The following CPM variants were observed in gnomAD, a reference collection of about 807,000 sequenced individuals.
CPM encodes the protein carboxypeptidase M.
Under a neutral mutation model 46.4 loss-of-function variants are expected in CPM, and 35 were observed. That is an observed-to-expected ratio of 0.75 (90% CI 0.58 to 1.00). The LOEUF (loss-of-function observed/expected upper bound fraction) is 1.00, where lower values mean the gene tolerates loss of function less well. Among genes scored for constraint, CPM ranks in the 50% least tolerant of loss-of-function variants. The pLI is 0.00. For missense variants in CPM, 422 were observed against 530.4 expected, an observed-to-expected ratio of 0.80 and a Z score of 2.01; for synonymous variants, 195 against 195.3, an observed-to-expected ratio of 1.00 and a Z score of 0.01.
In CPM at chr12:68,856,379, C is replaced by A; in HGVS notation, c.*58G>T. 6.4e-7 allele frequency: 1 copy of A among 1,573,868 alleles called. No homozygotes were observed. Among genetic ancestry groups the A allele is most frequent in the East Asian group, 2.2e-5 (1 of 44,632 alleles). On this transcript the variant is annotated 3_prime_UTR_variant, in exon 9 of 9. Transcript: ENST00000551568. ...TAGAGTGAGTTAGGGTTGCAGTAAC[C>A]TGGAGTGAGCAATCCCTGATTCCAG...
chr12:68,887,001 G>C (rs1436997607), intron 2 of CPM, among the ~76,000 whole-genome samples: 3 of 152,100 alleles, frequency 2.0e-5, no homozygotes, highest in Non-Finnish European at 4.4e-5. Context: ...AAAATATTAA[G>C]TAAAGGGCTT....
intron 1 of CPM, among the ~76,000 whole-genome samples, chr12:68,953,368 T>C (rs1326579394): frequency 1.3e-5 from 2 of 152,200 alleles, no homozygotes; most frequent in Non-Finnish European, 2.9e-5. Context: ...CTGACTCTTC[T>C]GTTGGAATTC....
At chr12:68,844,676 G>A (rs1483577317) in intron 5 of CPM, 1 of 223,954 alleles carries the variant, frequency 4.5e-6, no homozygotes, top group East Asian at 6.5e-5. Context: ...TGGCTTTAAA[G>A]CAGGAGCTTG....
intron 2 of CPM, among the ~76,000 whole-genome samples, chr12:68,926,367 C>T (rs1366181069): frequency 6.6e-6 from 1 of 151,816 alleles, no homozygotes; most frequent in Non-Finnish European, 1.5e-5. Context: ...TCAGTTTGGT[C>T]TAGTCATATT....
At chr12:68,904,299 T>C (rs1402836738) in intron 2 of CPM, among the ~76,000 whole-genome samples, 9 of 152,284 alleles carry the variant, frequency 5.9e-5, no homozygotes, top group Non-Finnish European at 5.9e-5. Flanking sequence ...ACAGATACCG[T>C]CTCATAATGG....
chr12:68,881,132 A>G (rs571100066), intron 3 of CPM, among the ~76,000 whole-genome samples: 1 of 152,334 alleles, frequency 6.6e-6, no homozygotes, highest in South Asian at 2.1e-4. Flanking sequence ...CAGGTGAATT[A>G]GCCTGAACCC....
chr12:68,894,567 G>A (rs889958979), intron 2 of CPM, among the ~76,000 whole-genome samples: 2 of 152,076 alleles, frequency 1.3e-5, no homozygotes, highest in African/African-American at 2.4e-5. Flanking sequence ...GCTTAAAATG[G>A]CTTCATTGGA....
At chr12:68,883,210 A>G (rs1434759358) in intron 3 of CPM, among the ~76,000 whole-genome samples, 2 of 152,240 alleles carry the variant, frequency 1.3e-5, no homozygotes, top group Non-Finnish European at 2.9e-5. Flanking sequence ...GAATACACCA[A>G]AAAAGGTTAA....
At chr12:68,947,045 C>G (rs1302414386) in intron 1 of CPM, among the ~76,000 whole-genome samples, 1 of 152,202 alleles carries the variant, frequency 6.6e-6, no homozygotes, top group Non-Finnish European at 1.5e-5. Flanking sequence ...CATAAGCTCT[C>G]CATGAAAGTC....
At chr12:68,871,750 G>T in intron 4 of CPM, 34 bp downstream of exon 4, 1 of 1,611,576 alleles carries the variant, frequency 6.2e-7, no homozygotes, top group Non-Finnish European at 8.5e-7. Flanking sequence ...GTGTTGTGTT[G>T]TTTTCAAGTA....
intron 2 of CPM, among the ~76,000 whole-genome samples, chr12:68,911,605 A>G (rs1446469469): frequency 6.6e-6 from 1 of 152,222 alleles, no homozygotes; most frequent in South Asian, 2.1e-4. Flanking sequence ...TTAAACACAA[A>G]GCATATGGCA....
chr12:68,941,646 T>C (rs1183210141), intron 1 of CPM, among the ~76,000 whole-genome samples: 2 of 152,192 alleles, frequency 1.3e-5, no homozygotes, highest in Non-Finnish European at 2.9e-5. Flanking sequence ...AAGACACATT[T>C]TCTTGAAATT....
intron 2 of CPM, among the ~76,000 whole-genome samples, chr12:68,888,405 C>G (rs1886522629): frequency 6.6e-6 from 1 of 152,090 alleles, no homozygotes; most frequent in Admixed American, 6.6e-5. Flanking sequence ...AGAATCTTAC[C>G]TTGAACAACC....
chr12:68,845,203 TATAAAA>T (rs3832817), intron 5 of CPM: 71,501 of 217,352 alleles, frequency 0.33, 13,023 homozygotes, highest in Non-Finnish European at 0.41. Flanking sequence ...ATTTGATACT[TATAAAA>T]AGAAAAAGTA....
rs573218086 is a variant in CPM, at chr12:68,926,972, A to AT, written c.160+5705dup. 1.2e-3 allele frequency among the ~76,000 whole-genome samples: 189 copies of AT among 152,352 alleles called. 1 individual carries two copies. Among genetic ancestry groups the AT allele is most frequent in the African/African-American group, 4.1e-3 (169 of 41,582 alleles). On this transcript the variant is annotated intron_variant, in intron 2 of 8. Coordinates refer to ENST00000551568, the MANE Select transcript of CPM (RefSeq NM_198320.5). ...TTAATCCAGTCTATCGTTGTTGGAC[A>AT]TTTGGGTTGGTTCCAAGTATTTGCT...
chr12:68,876,733 T>C (rs1885967208), intron 3 of CPM, among the ~76,000 whole-genome samples: 1 of 152,204 alleles, frequency 6.6e-6, no homozygotes, highest in South Asian at 2.1e-4. Flanking sequence ...CTCTATCAGC[T>C]GCAGTTCAAT....
chr12:68,892,197 GAAAACATCAAAGAA>G (rs1395109065), intron 2 of CPM, among the ~76,000 whole-genome samples: 34 of 152,142 alleles, frequency 2.2e-4, no homozygotes, highest in African/African-American at 7.5e-4. Flanking sequence ...ATGGAAAATG[GAAAACATCAAAGAA>G]AAAACATCAA....
At chr12:68,949,320 G>A (rs1410862005) in intron 1 of CPM, among the ~76,000 whole-genome samples, 1 of 152,312 alleles carries the variant, frequency 6.6e-6, no homozygotes, top group Admixed American at 6.5e-5. Context: ...GCAGTAAGCC[G>A]TGATTGTACC....
At chr12:68,875,349 C>G (rs978694795) in intron 3 of CPM, among the ~76,000 whole-genome samples, 29 of 111,878 alleles carry the variant, frequency 2.6e-4, no homozygotes, top group African/African-American at 8.1e-4. Context: ...AGCAGGACTC[C>G]ACCTCAAAAA....
Sources: allele counts gnomAD v4.1 joint callset (sites outside exome capture counted in the v4.1 genomes callset), GRCh38; gene constraint gnomAD v4.1.1; transcripts MANE v1.5; gene names NCBI Gene and HGNC (gene_info 2026-07-23, HGNC 2026-07-21).